Variants in NLRP14 observed in about 807,000 individuals in gnomAD.
NLRP14 encodes the protein NLR family pyrin domain containing 14.
Under a neutral mutation model 94.7 loss-of-function variants are expected in NLRP14, and 105 were observed. The observed-to-expected ratio is 1.11, with a 90% CI of 0.95 to 1.30. The LOEUF is 1.30. Among genes scored for constraint, NLRP14 ranks in the 50% most tolerant of loss-of-function variants. The probability of loss-of-function intolerance (pLI) is 0.00; values close to 1 mark genes in which losing one functional copy is unlikely to be tolerated. For missense variants in NLRP14, 1,362 were observed against 1,254.1 expected, an observed-to-expected ratio of 1.09 and a Z score of -1.30; for synonymous variants, 508 against 459.9, an observed-to-expected ratio of 1.10 and a Z score of -1.34.
intron 1 of NLRP14, among the ~76,000 whole-genome samples, chr11:7,034,119 C>T (rs1048514341): frequency 1.3e-5 from 2 of 152,250 alleles, no homozygotes; most frequent in South Asian, 2.1e-4. Context: ...TTGGGTTAAC[C>T]GCCACTTCCT....
At chr11:7,079,461 G>T in the NLRP14 span, among the ~76,000 whole-genome samples, 5 of 152,192 alleles carry the variant, frequency 3.3e-5, no homozygotes, top group Non-Finnish European at 7.3e-5. Flanking sequence ...GTCACGTAGA[G>T]AACAGTGTAT....
At chr11:7,087,964 A>T in the NLRP14 span, among the ~76,000 whole-genome samples, 1 of 152,232 alleles carries the variant, frequency 6.6e-6, no homozygotes, top group Non-Finnish European at 1.5e-5. Flanking sequence ...TCACAATATA[A>T]CCTTAAATTA....
intron 1 of NLRP14, among the ~76,000 whole-genome samples, chr11:7,025,298 C>T (rs745761622): frequency 1.3e-5 from 2 of 152,064 alleles, no homozygotes; most frequent in Non-Finnish European, 2.9e-5. Context: ...GATAAAGGGG[C>T]TTCAATACAT....
At chr11:7,024,023 A>G (rs1262153533) in intron 1 of NLRP14, among the ~76,000 whole-genome samples, 1 of 152,190 alleles carries the variant, frequency 6.6e-6, no homozygotes, top group Non-Finnish European at 1.5e-5. Context: ...TCCAAACTAT[A>G]TCAGAAACAT....
chr11:7,042,349 C>T, intron 3 of NLRP14, 39 bp from the exon 4 acceptor site: 1 of 1,571,270 alleles, frequency 6.4e-7, no homozygotes, highest in Non-Finnish European at 8.7e-7. Flanking sequence ...GATCATGTGT[C>T]TTTGTTTTTG....
chr11:7,088,039 T>C, the NLRP14 span, among the ~76,000 whole-genome samples: 1 of 152,174 alleles, frequency 6.6e-6, no homozygotes, highest in South Asian at 2.1e-4. Context: ...TGGTAAATTT[T>C]AAGACAGTTC....
Position 7,070,348 on chromosome 11 carries a change from A to G in NLRP14, c.3038A>G (p.Asn1013Ser). Residue 1013 changes from asparagine (N) to serine (S), a missense_variant, in exon 11 of 12, where the codon AAC (asparagine) becomes AGC (serine). Transcript: ENST00000299481. Reference sequence around the variant, plus strand: ...GATCTCTCCTCTGCTCTTATCTGCAACAAAAGACTGATAAAAATGAATCTG... The same window carrying G: ...GATCTCTCCTCTGCTCTTATCTGCAGCAAAAGACTGATAAAAATGAATCTG... ...CQDLSSALIC[N>S]KRLIKMNLTQ... 1 of 1,610,674 alleles carries G rather than the reference A, an allele frequency of 6.2e-7. No homozygotes were observed. Among genetic ancestry groups the G allele is most frequent in the Non-Finnish European group, 8.5e-7 (1 of 1,176,866 alleles).
intron 10 of NLRP14, among the ~76,000 whole-genome samples, chr11:7,063,153 T>C (rs1353557023): frequency 2.0e-5 from 3 of 152,128 alleles, no homozygotes; most frequent in Non-Finnish European, 4.4e-5. Context: ...TATATTTTTA[T>C]AATAGCAATG....
At chr11:7,048,751 T>C (rs1852397046) in intron 5 of NLRP14, among the ~76,000 whole-genome samples, 1 of 152,164 alleles carries the variant, frequency 6.6e-6, no homozygotes, top group Non-Finnish European at 1.5e-5. Flanking sequence ...ATCTTCACAA[T>C]AGCCAATGCC....
chr11:7,051,494 A>G (rs1196316488), intron 6 of NLRP14, among the ~76,000 whole-genome samples: 1 of 152,236 alleles, frequency 6.6e-6, no homozygotes, highest in Non-Finnish European at 1.5e-5. Flanking sequence ...CTGTCTTGCA[A>G]CATATGATCC....
chr11:7,067,757 T>C (rs2119712706), intron 10 of NLRP14, among the ~76,000 whole-genome samples: 1 of 152,300 alleles, frequency 6.6e-6, no homozygotes, highest in South Asian at 2.1e-4. Context: ...TGGAGATAGG[T>C]TATAATTTCT....
rs567523415 is a variant in NLRP14 at position 7,026,598 on chromosome 11, C to T, written c.-22+5828C>T. ...TCAACCATTGTGGAAGTCAGTGTGG[C>T]GATTCCTCAGGGATCTAGAACTAGA... On this transcript the variant is annotated intron_variant, in intron 1 of 11. Coordinates refer to ENST00000299481, the MANE Select transcript of NLRP14 (RefSeq NM_176822.4). 2.0e-3 allele frequency among the ~76,000 whole-genome samples: 305 copies of T among 151,982 alleles called. 2 individuals carry two copies. The highest frequency in any genetic ancestry group is 6.9e-3 in the African/African-American group (285 of 41,438).
chr11:7,029,009 G>A (rs1222127882), intron 1 of NLRP14, among the ~76,000 whole-genome samples: 1 of 152,028 alleles, frequency 6.6e-6, no homozygotes, highest in Non-Finnish European at 1.5e-5. Context: ...ATTTGTGTGT[G>A]TGACTGTTAA....
the NLRP14 span, among the ~76,000 whole-genome samples, chr11:7,082,511 CG>C: frequency 6.6e-6 from 1 of 152,260 alleles, no homozygotes; most frequent in South Asian, 2.1e-4. Context: ...ATAGCAGGAG[CG>C]GTGTCAGCAA....
intron 1 of NLRP14, among the ~76,000 whole-genome samples, chr11:7,035,418 A>C (rs1289830296): frequency 6.6e-6 from 1 of 152,172 alleles, no homozygotes; most frequent in Non-Finnish European, 1.5e-5. Flanking sequence ...TCATTTGGCA[A>C]TATCTAGAGA....
At chr11:7,055,891 T>A (rs1463087342) in intron 6 of NLRP14, among the ~76,000 whole-genome samples, 1 of 152,016 alleles carries the variant, frequency 6.6e-6, no homozygotes, top group Non-Finnish European at 1.5e-5. Context: ...GGATGTTGTT[T>A]TGGTAGCACT....
intron 9 of NLRP14, 80 bp downstream of exon 9, chr11:7,060,144 C>G: frequency 8.1e-7 from 1 of 1,232,644 alleles, no homozygotes; most frequent in Non-Finnish European, 1.2e-6. Context: ...GGCTGAGAAC[C>G]GAGCATCTAT....
the NLRP14 span, among the ~76,000 whole-genome samples, chr11:7,082,178 T>C: frequency 6.6e-6 from 1 of 152,246 alleles, no homozygotes; most frequent in Non-Finnish European, 1.5e-5. Context: ...CCATGAATTC[T>C]TTATAGCAAA....
chr11:7,042,839 T>C lies in NLRP14; in HGVS notation c.813T>C (p.Pro271=). The C allele has an allele frequency of 1.2e-6, 2 of 1,613,824 alleles. No homozygotes were observed. The highest frequency in any genetic ancestry group is 1.7e-5 in the Admixed American group (1 of 60,032). ...FDELNFAFEE[P]EFALCEDWTQ... is the part of the protein sequence containing the mutation. The stretch of plus-strand genomic sequence containing the variant: ...AACTGAACTTTGCCTTTGAAGAACC[T>C]GAGTTTGCACTGTGCGAAGACTGGA... The change falls in exon 4 of 12, where the codon CCT becomes CCC. Residue 271 remains proline, a synonymous_variant. Coordinates refer to ENST00000299481, the MANE Select transcript of NLRP14 (RefSeq NM_176822.4).
Sources: allele counts gnomAD v4.1 joint callset (sites outside exome capture counted in the v4.1 genomes callset), GRCh38; gene constraint gnomAD v4.1.1; transcripts MANE v1.5; gene names NCBI Gene and HGNC (gene_info 2026-07-23, HGNC 2026-07-21).